The following NPAS3 variants were observed in gnomAD, a reference collection of about 807,000 sequenced individuals.
NPAS3 encodes neuronal PAS domain protein 3, also known as neuronal PAS domain-containing protein 3.
A neutral mutation model predicts 73.1 loss-of-function variants in NPAS3; 14 were observed. The observed-to-expected ratio is 0.19, with a 90% CI of 0.13 to 0.30. The LOEUF is 0.30. Ranked by LOEUF, NPAS3 falls within the 10% of genes least tolerant of loss-of-function variation. The pLI is 1.00. For synonymous variants in NPAS3, 620 were observed against 541.5 expected (o/e 1.14, Z -2.01); for missense variants, 1,096 against 1,250.0 (o/e 0.88, Z 1.86).
At chr14:33,665,085 T>C (rs1446781966) in intron 5 of NPAS3, among the ~76,000 whole-genome samples, 6 of 152,188 alleles carry the variant, frequency 3.9e-5, no homozygotes, top group African/African-American at 1.4e-4. Flanking sequence ...CTGTTCACAA[T>C]AGCAAAGACT....
At chr14:33,432,167 C>G (rs912557287) in intron 4 of NPAS3, among the ~76,000 whole-genome samples, 2 of 152,128 alleles carry the variant, frequency 1.3e-5, no homozygotes, top group African/African-American at 4.8e-5. Context: ...CAGAAGGGAG[C>G]AATCTTTCAT....
intron 1 of NPAS3, among the ~76,000 whole-genome samples, chr14:32,969,608 T>C (rs756746608): frequency 5.9e-5 from 9 of 152,188 alleles, no homozygotes; most frequent in African/African-American, 9.6e-5. Flanking sequence ...GCATTTAGTA[T>C]ATCAGACTGA....
At chr14:33,783,876 A>G (rs1211208868) in intron 9 of NPAS3, among the ~76,000 whole-genome samples, 1 of 152,212 alleles carries the variant, frequency 6.6e-6, no homozygotes, top group African/African-American at 2.4e-5. Context: ...AGACCATACT[A>G]GTCTTTAGAC....
intron 8 of NPAS3, among the ~76,000 whole-genome samples, chr14:33,775,848 G>A (rs760300775): frequency 3.9e-5 from 6 of 152,214 alleles, no homozygotes; most frequent in African/African-American, 1.4e-4. Context: ...AAGATGGCTG[G>A]CGTTTACTGA....
intron 1 of NPAS3, among the ~76,000 whole-genome samples, chr14:32,980,318 C>T (rs1214407482): frequency 6.6e-6 from 1 of 152,042 alleles, no homozygotes; most frequent in Non-Finnish European, 1.5e-5. Context: ...GGGTTTTGAG[C>T]TTTGAAAAGG....
intron 4 of NPAS3, among the ~76,000 whole-genome samples, chr14:33,528,248 C>T (rs1371689420): frequency 2.0e-5 from 3 of 151,872 alleles, no homozygotes; most frequent in Non-Finnish European, 4.4e-5. Context: ...CCAGGTCTGC[C>T]TGACCTCAAA....
intron 6 of NPAS3, among the ~76,000 whole-genome samples, chr14:33,678,302 G>A (rs1244448146): frequency 6.6e-6 from 1 of 152,134 alleles, no homozygotes. Flanking sequence ...CTGCTTCGCT[G>A]CAACTTCCCA....
rs2045733372 is a variant in NPAS3 at position 33,179,999 on chromosome 14, A to T, written c.141-35183A>T. Among the ~76,000 whole-genome samples the T allele has an allele frequency of 2.0e-5, 3 of 152,208 alleles. No homozygotes were observed. In the South Asian group the frequency reaches 6.2e-4, roughly 32 times the overall value. ...GCCAAGCAACAAATAATTGCACATGAATCCCAGGAAGATGTTTGCCCTCGG... is the reference window on the plus strand; with the variant it reads ...GCCAAGCAACAAATAATTGCACATGTATCCCAGGAAGATGTTTGCCCTCGG... On this transcript the variant is annotated intron_variant, in intron 2 of 11. Transcript: ENST00000356141.
At chr14:33,099,554 T>A (rs1279338) in intron 2 of NPAS3, among the ~76,000 whole-genome samples, 45,614 of 151,992 alleles carry the variant, frequency 0.3, 7,136 homozygotes, top group African/African-American at 0.39. Context: ...TTGTATAAGG[T>A]AAACTCTTCT....
intron 4 of NPAS3, among the ~76,000 whole-genome samples, chr14:33,406,198 A>G (rs1359539015): frequency 6.6e-6 from 1 of 152,122 alleles, no homozygotes; most frequent in Non-Finnish European, 1.5e-5. Context: ...TTCTAAGTTT[A>G]TGGTTAACTT....
At chr14:33,661,097 G>T (rs1431108949) in intron 5 of NPAS3, among the ~76,000 whole-genome samples, 1 of 132,578 alleles carries the variant, frequency 7.5e-6, no homozygotes, top group Non-Finnish European at 1.6e-5. Flanking sequence ...TCAGTAAAAG[G>T]AAAAAAAAAA....
At chr14:33,772,052 A>C (rs938061102) in intron 7 of NPAS3, among the ~76,000 whole-genome samples, 6 of 152,194 alleles carry the variant, frequency 3.9e-5, no homozygotes, top group African/African-American at 1.4e-4. Flanking sequence ...TTTCTTCCAA[A>C]TGTGAAATTT....
At chr14:33,283,736 A>C (rs945503216) in intron 3 of NPAS3, among the ~76,000 whole-genome samples, 2 of 152,224 alleles carry the variant, frequency 1.3e-5, no homozygotes, top group African/African-American at 4.8e-5. Flanking sequence ...CAGACAAAAT[A>C]GAAAGAAAAG....
chr14:33,059,216 T>A (rs1316552071), intron 2 of NPAS3, among the ~76,000 whole-genome samples: 30 of 152,358 alleles, frequency 2.0e-4, no homozygotes, highest in Non-Finnish European at 1.9e-4. Context: ...GTTTTATAAT[T>A]ATTTTGAATT....
chr14:33,469,482 A>G (rs1459332040), intron 4 of NPAS3, among the ~76,000 whole-genome samples: 1 of 152,190 alleles, frequency 6.6e-6, no homozygotes, highest in Non-Finnish European at 1.5e-5. Context: ...CCTCACAACT[A>G]GTATGTCAAT....
chr14:33,650,396 T>C (rs1006072501), intron 5 of NPAS3, among the ~76,000 whole-genome samples: 5 of 152,152 alleles, frequency 3.3e-5, no homozygotes, highest in Non-Finnish European at 5.9e-5. Flanking sequence ...CCTTTGCCCT[T>C]TGTAGCTAGA....
At chr14:33,198,356 C>A (rs1041601109) in intron 2 of NPAS3, among the ~76,000 whole-genome samples, 1 of 152,138 alleles carries the variant, frequency 6.6e-6, no homozygotes, top group Non-Finnish European at 1.5e-5. Flanking sequence ...CTGATTGGTC[C>A]ATTTTACAGA....
chr14:33,353,738 A>C (rs2045192455), intron 3 of NPAS3, among the ~76,000 whole-genome samples: 1 of 152,212 alleles, frequency 6.6e-6, no homozygotes, highest in Non-Finnish European at 1.5e-5. Flanking sequence ...CTATTTACGC[A>C]GAGGAGAAAA....
At chr14:33,028,376 T>C (rs994306823) in intron 1 of NPAS3, among the ~76,000 whole-genome samples, 2 of 152,224 alleles carry the variant, frequency 1.3e-5, no homozygotes, top group African/African-American at 4.8e-5. Context: ...ATAGATGGGT[T>C]TTGATAATTC....
Sources: allele counts gnomAD v4.1 joint callset (sites outside exome capture counted in the v4.1 genomes callset), GRCh38; gene constraint gnomAD v4.1.1; transcripts MANE v1.5; gene names NCBI Gene and HGNC (gene_info 2026-07-23, HGNC 2026-07-21).